Variants in DMD observed in about 807,000 individuals in gnomAD.
DMD encodes mutant dystrophin.
A neutral mutation model predicts 330.1 loss-of-function variants in DMD; 63 were observed. The observed-to-expected ratio is 0.19, with a 90% CI of 0.16 to 0.24. The LOEUF (loss-of-function observed/expected upper bound fraction) is 0.24, where lower values mean the gene tolerates loss of function less well. Ranked by LOEUF, DMD falls within the 10% of genes least tolerant of loss-of-function variation. The pLI is 1.00. For synonymous variants in DMD, 1,223 were observed against 959.8 expected (o/e 1.27, Z -5.07); for missense variants, 3,344 against 2,684.1 (o/e 1.25, Z -5.43).
intron 7 of DMD, among the ~76,000 whole-genome samples, chrX:32,739,830 G>T (rs746545148): frequency 1.8e-5 from 2 of 110,533 alleles, no homozygotes; most frequent in South Asian, 7.7e-4. Flanking sequence ...CAACCGCTCT[G>T]GCTGTACTCT....
chrX:33,184,884 C>T (rs940603524), intron 1 of DMD, among the ~76,000 whole-genome samples: 22 of 109,108 alleles, frequency 2.0e-4, no homozygotes, highest in African/African-American at 5.7e-4. Flanking sequence ...CCACCACGCC[C>T]GGCTAATTTT....
intron 2 of DMD, among the ~76,000 whole-genome samples, chrX:32,960,952 G>T (rs1051903023): frequency 2.0e-5 from 2 of 101,386 alleles, no homozygotes; most frequent in East Asian, 3.2e-4. Context: ...CAATTTAAAC[G>T]AAGTACTGCA....
At chrX:32,528,614 C>T (rs1449062045) in intron 17 of DMD, among the ~76,000 whole-genome samples, 2 of 111,486 alleles carry the variant, frequency 1.8e-5, no homozygotes, top group African/African-American at 6.5e-5. Context: ...GGGGGTCAGA[C>T]ATGCCTCATT....
chrX:32,693,713 T>A (rs932247503), intron 9 of DMD, among the ~76,000 whole-genome samples: 3 of 112,166 alleles, frequency 2.7e-5, no homozygotes, highest in Non-Finnish European at 5.6e-5. Context: ...GAGGCGGGAT[T>A]ACAGGCATGA....
chrX:33,280,807 C>T (rs2053318132), intron 1 of DMD, among the ~76,000 whole-genome samples: 1 of 111,938 alleles, frequency 8.9e-6, no homozygotes, highest in Admixed American at 9.5e-5. Context: ...TGTACACCAC[C>T]AGTATCAGAC....
At chrX:31,791,486 C>A (rs1359946991) in intron 50 of DMD, among the ~76,000 whole-genome samples, 1 of 111,214 alleles carries the variant, frequency 9.0e-6, no homozygotes, top group Non-Finnish European at 1.9e-5. Flanking sequence ...ATATTGCCAA[C>A]ATCTGTGATG....
chrX:32,617,931 C>T (rs2057704838), intron 11 of DMD, among the ~76,000 whole-genome samples: 1 of 111,272 alleles, frequency 9.0e-6, no homozygotes, highest in Admixed American at 9.6e-5. Flanking sequence ...AGACATTTAT[C>T]ATAAAAGGGA....
rs572997872 is a variant in DMD, at chrX:32,502,213, C to G, written c.2293-371G>C. ...TTTTAAAGATACACCATTGAAATTA[C>G]TAATAAGTATATAGGCGGTATTAAA... On this transcript the variant is annotated intron_variant, in intron 18 of 78. Transcript: ENST00000357033. Among the ~76,000 whole-genome samples, 3 of 111,223 alleles carry G rather than the reference C, an allele frequency of 2.7e-5. No homozygotes were observed. In the East Asian group the frequency reaches 8.5e-4, roughly 31 times the overall value.
intron 29 of DMD, among the ~76,000 whole-genome samples, chrX:32,412,638 T>C (rs918588800): frequency 9.0e-6 from 1 of 111,616 alleles, no homozygotes; most frequent in Non-Finnish European, 1.9e-5. Context: ...GCTGCACAGA[T>C]TGGAAAGTCT....
intron 43 of DMD, among the ~76,000 whole-genome samples, chrX:32,252,755 AATATATAAAT>A (rs1388324220): frequency 0.081 from 2,622 of 32,441 alleles, 362 homozygotes; most frequent in East Asian, 0.49. Context: ...AATATATATA[AATATATAAAT>A]ATATATAAAT....
chrX:31,782,974 T>C (rs1051153951), intron 50 of DMD, among the ~76,000 whole-genome samples: 1 of 111,369 alleles, frequency 9.0e-6, no homozygotes, highest in African/African-American at 3.3e-5. Flanking sequence ...GTAGAGTATG[T>C]AATAATAAGA....
At chrX:32,994,309 T>TA (rs1180187672) in intron 2 of DMD, among the ~76,000 whole-genome samples, 1 of 96,367 alleles carries the variant, frequency 1.0e-5, no homozygotes, top group African/African-American at 4.0e-5. Context: ...ACAACAAATA[T>TA]AAAAAAGGTG....
chrX:31,289,625 T>G (rs1219287593), intron 62 of DMD, among the ~76,000 whole-genome samples: 3 of 110,676 alleles, frequency 2.7e-5, no homozygotes, highest in African/African-American at 9.9e-5. Flanking sequence ...AAATGCTGGT[T>G]TGAACCTGGG....
chrX:33,250,111 A>C (rs866438517), intron 1 of DMD, among the ~76,000 whole-genome samples: 1 of 87,358 alleles, frequency 1.1e-5, no homozygotes, highest in African/African-American at 5.1e-5. Context: ...ATATATATAT[A>C]TCAATGTACA....
chrX:31,380,097 A>G (rs764251018), intron 60 of DMD, among the ~76,000 whole-genome samples: 32 of 110,801 alleles, frequency 2.9e-4, no homozygotes, highest in Admixed American at 4.8e-4. Flanking sequence ...CCCACTCCAC[A>G]TTACCTTCTT....
chrX:31,588,058 A>T (rs1021813625), intron 55 of DMD, among the ~76,000 whole-genome samples: 1 of 111,795 alleles, frequency 8.9e-6, no homozygotes, highest in African/African-American at 3.2e-5. Flanking sequence ...GGTCATCTGC[A>T]TATTAACAAG....
At chrX:31,467,459 G>A (rs894966556) in intron 59 of DMD, among the ~76,000 whole-genome samples, 2 of 111,907 alleles carry the variant, frequency 1.8e-5, no homozygotes, top group Non-Finnish European at 3.8e-5. Flanking sequence ...TTAAGTGATG[G>A]ATTATGTTTA....
At chrX:33,284,109 TTA>T (rs199757774) in intron 1 of DMD, among the ~76,000 whole-genome samples, 5 of 109,942 alleles carry the variant, frequency 4.5e-5, no homozygotes, top group African/African-American at 6.6e-5. Flanking sequence ...GACTATAATT[TTA>T]TATATATATA....
chrX:32,778,621 G>A (rs1242551591), intron 7 of DMD, among the ~76,000 whole-genome samples: 1 of 111,989 alleles, frequency 8.9e-6, no homozygotes, highest in East Asian at 2.8e-4. Context: ...TTCTAGAAGA[G>A]ATCATGTTTC....
Sources: gnomAD v4.1 joint callset for allele counts (sites outside exome capture counted in the v4.1 genomes callset) on GRCh38, gnomAD v4.1.1 for gene constraint, MANE v1.5 for transcripts, NCBI Gene and HGNC (gene_info 2026-07-23, HGNC 2026-07-21) for gene names.